Variants in ZNF638 observed in about 807,000 individuals in gnomAD.
ZNF638 encodes the protein zinc finger protein 638.
ZNF638 carries 46 observed loss-of-function variants against 195.6 expected under a neutral mutation model. The ratio of observed to expected loss-of-function variants is 0.24; its 90% CI spans 0.19 to 0.30. The LOEUF (loss-of-function observed/expected upper bound fraction) is 0.30, where lower values mean the gene tolerates loss of function less well. ZNF638 is among the 10% of genes least tolerant of loss of function. The pLI, the probability that ZNF638 is intolerant of heterozygous loss-of-function variation, is 1.00. For missense variants in ZNF638, 2,440 were observed against 2,325.3 expected, an observed-to-expected ratio of 1.05 and a Z score of -1.01; for synonymous variants, 845 against 772.0, an observed-to-expected ratio of 1.09 and a Z score of -1.57.
intron 2 of ZNF638, among the ~76,000 whole-genome samples, chr2:71,354,406 A>C (rs1484682371): frequency 1.3e-5 from 2 of 148,448 alleles, no homozygotes; most frequent in East Asian, 3.9e-4. Flanking sequence ...TTGTAATTTT[A>C]GGACAGATTT....
chr2:71,373,892 G>A (rs982135146), intron 8 of ZNF638: 1 of 151,578 alleles, frequency 6.6e-6, no homozygotes, highest in Non-Finnish European at 1.5e-5. Flanking sequence ...GCACAATTTC[G>A]GCTCATTGCC....
At chr2:71,433,049 T>C in intron 26 of ZNF638, 116 bp from the exon 27 acceptor site, 1 of 819,244 alleles carries the variant, frequency 1.2e-6, no homozygotes, top group Non-Finnish European at 2.0e-6. Flanking sequence ...ATCGCGCCAC[T>C]GCCCTCCAAC....
chr2:71,418,532 C>T (rs1006242617), intron 20 of ZNF638, 70 bp from the exon 21 acceptor site: 4 of 1,003,222 alleles, frequency 4.0e-6, no homozygotes, highest in Admixed American at 2.9e-5. Flanking sequence ...TTACTAAAAA[C>T]ATTGCTTTTA....
rs889661821 is a variant in ZNF638, at chr2:71,423,529, G to A, written c.4015G>A (p.Asp1339Asn). 1.2e-6 allele frequency: 2 copies of A among 1,614,042 alleles called. No homozygotes were observed. ...EKAEKNEGRM[D>N]AEKVEKMAAM... ...GGCTGAAAAGAATGAAGGTAGGATG[G>A]ATGCAGAAAAGGTGGAAAAGATGGC... Residue 1339 changes from aspartate to asparagine, a missense_variant, in exon 22 of 28, where the codon GAT becomes AAT. Asp to Asn is a conservative substitution (Grantham distance 23). Around this residue, in one of 5 missense-constraint regions of ZNF638, gnomAD observed 1,883 missense variants for 1,739.1 expected, o/e 1.08. Coordinates refer to ENST00000264447, the MANE Select transcript of ZNF638 (RefSeq NM_014497.5).
intron 10 of ZNF638, among the ~76,000 whole-genome samples, chr2:71,393,918 A>T (rs993739369): frequency 6.6e-6 from 1 of 152,214 alleles, no homozygotes; most frequent in Non-Finnish European, 1.5e-5. Flanking sequence ...GTGTAAGGTT[A>T]CTATGTACCT....
At chr2:71,343,729 A>G (rs1237188419) in intron 1 of ZNF638, among the ~76,000 whole-genome samples, 1 of 152,226 alleles carries the variant, frequency 6.6e-6, no homozygotes, top group Admixed American at 6.5e-5. Flanking sequence ...TTTGACAAGT[A>G]GATGACAGAC....
intron 8 of ZNF638, among the ~76,000 whole-genome samples, chr2:71,373,181 AATG>A (rs1411775085): frequency 6.6e-6 from 1 of 152,192 alleles, no homozygotes; most frequent in Non-Finnish European, 1.5e-5. Context: ...TTATATAGAA[AATG>A]ATATCTAGTT....
chr2:71,434,634 T>C (rs1376851954), intron 27 of ZNF638, 108 bp from the exon 28 acceptor site: 3 of 903,426 alleles, frequency 3.3e-6, no homozygotes, highest in African/African-American at 3.4e-5. Flanking sequence ...GTTTATAATA[T>C]TTTGTAGGAT....
In ZNF638 at chr2:71,349,090, G is replaced by C; in HGVS notation, c.136G>C (p.Gly46Arg). 1 of 1,614,218 alleles carries C rather than the reference G, an allele frequency of 6.2e-7. No homozygotes were observed. Among genetic ancestry groups the C allele is most frequent in the Non-Finnish European group, 8.5e-7 (1 of 1,180,048 alleles). ...SMGLPRFYPA[G>R]RARGIPHRFA... ...GGGTCTCCCAAGATTTTACCCAGCA[G>C]GGAGAGCACGTGGAATTCCACACAG... Residue 46 changes from glycine to arginine, a missense_variant, in exon 2 of 28, where the codon GGG becomes CGG. Physicochemically the swap from Gly to Arg is moderately radical, Grantham distance 125. Coordinates refer to ENST00000264447, the MANE Select transcript of ZNF638 (RefSeq NM_014497.5).
Position 71,398,789 on chromosome 2 carries a change from G to T in ZNF638, c.2500+17G>T. On this transcript the variant is annotated intron_variant, in intron 12 of 27. Coordinates refer to ENST00000264447, the MANE Select transcript of ZNF638 (RefSeq NM_014497.5). The stretch of plus-strand genomic sequence containing the variant: ...TCAAAACAGGTAAGACTATTGGGGA[G>T]GAGAGATTTTATTGTTTATTCTTTA... 1.8e-5 allele frequency: 28 copies of T among 1,585,516 alleles called. No homozygotes were observed. Among genetic ancestry groups the T allele is most frequent in the Non-Finnish European group, 2.4e-5 (28 of 1,160,750 alleles).
chr2:71,387,911 G>T (rs573888892), intron 10 of ZNF638, among the ~76,000 whole-genome samples: 1 of 152,152 alleles, frequency 6.6e-6, no homozygotes, highest in African/African-American at 2.4e-5. Flanking sequence ...TAAAAAATAA[G>T]AAGCCTCAAC....
At chr2:71,364,398 C>CAA (rs1558844070) in intron 5 of ZNF638, 146 bp downstream of exon 5, 1 of 848,376 alleles carries the variant, frequency 1.2e-6, no homozygotes, top group African/African-American at 1.7e-5. Flanking sequence ...AGAGTTATTC[C>CAA]CTCTGGTAAC....
intron 20 of ZNF638, chr2:71,408,616 T>TA (rs952278753): frequency 1.0e-4 from 31 of 298,314 alleles, no homozygotes; most frequent in African/African-American, 6.9e-4. Context: ...TTGTTTCAGT[T>TA]ACATTTATTA....
intron 10 of ZNF638, among the ~76,000 whole-genome samples, chr2:71,386,229 C>T (rs774319812): frequency 1.1e-4 from 16 of 145,748 alleles, no homozygotes; most frequent in African/African-American, 3.6e-4. Flanking sequence ...AGGAGGTCGA[C>T]GCTTCAGTGA....
intron 22 of ZNF638, 118 bp from the exon 23 acceptor site, chr2:71,424,532 T>C (rs2080496930): frequency 1.3e-6 from 1 of 745,548 alleles, no homozygotes; most frequent in African/African-American, 1.8e-5. Context: ...ATAATTTGCA[T>C]AATTGACTGT....
intron 1 of ZNF638, chr2:71,341,651 G>GT (rs1181188715): frequency 6.6e-6 from 1 of 152,278 alleles, no homozygotes; most frequent in Non-Finnish European, 1.5e-5. Context: ...CTTAATTGCA[G>GT]TTTTTTCCCC....
rs562707740 is a variant in ZNF638, at chr2:71,347,197, G to C, written c.-202-1556G>C. ...AGATTTGGGAAGAATAGGAACAAAGGCATAGCAAAAATACCTGTCTGATAA... is the reference window on the plus strand; with the variant it reads ...AGATTTGGGAAGAATAGGAACAAAGCCATAGCAAAAATACCTGTCTGATAA... On this transcript the variant is annotated intron_variant, in intron 1 of 27. Coordinates refer to ENST00000264447, the MANE Select transcript of ZNF638 (RefSeq NM_014497.5). Among the ~76,000 whole-genome samples, 7 of 152,246 alleles carry C rather than the reference G, an allele frequency of 4.6e-5. No individual in the cohort carries two copies. In the South Asian group the frequency reaches 1.5e-3, roughly 32 times the overall value.
intron 3 of ZNF638, among the ~76,000 whole-genome samples, chr2:71,356,048 C>G (rs2079017437): frequency 6.6e-6 from 1 of 152,122 alleles, no homozygotes; most frequent in Non-Finnish European, 1.5e-5. Context: ...GCTTACCTTC[C>G]CCAGGATCTT....
chr2:71,394,154 C>A (rs1339766195), intron 10 of ZNF638, among the ~76,000 whole-genome samples: 1 of 152,084 alleles, frequency 6.6e-6, no homozygotes, highest in Admixed American at 6.5e-5. Flanking sequence ...GACTGGAGCC[C>A]CCACGGTCAT....
Sources: allele counts gnomAD v4.1 joint callset (sites outside exome capture counted in the v4.1 genomes callset), GRCh38; gene constraint gnomAD v4.1.1; regional missense constraint gnomAD v4.1.1; transcripts MANE v1.5; gene names NCBI Gene and HGNC (gene_info 2026-07-23, HGNC 2026-07-21).